ALK: variants seen among roughly 807,000 people sequenced by gnomAD.
ALK encodes ALK receptor tyrosine kinase.
A neutral mutation model predicts 163.1 loss-of-function variants in ALK; 74 were observed. The observed-to-expected ratio is 0.45, with a 90% CI of 0.38 to 0.55. ALK has a LOEUF of 0.55. ALK is among the 20% of genes least tolerant of loss of function. The probability of loss-of-function intolerance (pLI) is 0.00; values close to 1 mark genes in which losing one functional copy is unlikely to be tolerated. For synonymous variants in ALK, 960 were observed against 843.2 expected (o/e 1.14, Z -2.40); for missense variants, 2,063 against 2,105.3 (o/e 0.98, Z 0.39).
At chr2:29,534,422 A>C (rs1182090204) in intron 3 of ALK, among the ~76,000 whole-genome samples, 1 of 152,130 alleles carries the variant, frequency 6.6e-6, no homozygotes, top group African/African-American at 2.4e-5. Flanking sequence ...AGGACCCTGG[A>C]AGTATCTCTG....
chr2:29,891,678 T>TTAA (rs1667151173), intron 1 of ALK, among the ~76,000 whole-genome samples: 1 of 152,106 alleles, frequency 6.6e-6, no homozygotes, highest in African/African-American at 2.4e-5. Context: ...GAAACAAGTG[T>TTAA]TAATATTCAC....
At chr2:29,711,084 G>C (rs1245112088) in intron 2 of ALK, among the ~76,000 whole-genome samples, 1 of 152,154 alleles carries the variant, frequency 6.6e-6, no homozygotes, top group African/African-American at 2.4e-5. Flanking sequence ...AGGAAACCAA[G>C]TGGTGCTCAC....
chr2:29,675,044 G>A (rs551272361), intron 3 of ALK, among the ~76,000 whole-genome samples: 357 of 151,280 alleles, frequency 2.4e-3, no homozygotes, highest in Non-Finnish European at 4.0e-3. Context: ...TTTTTATTGC[G>A]TCTATTTGAT....
intron 4 of ALK, among the ~76,000 whole-genome samples, chr2:29,425,449 C>A (rs541820397): frequency 5.3e-5 from 8 of 152,186 alleles, no homozygotes; most frequent in Non-Finnish European, 1.0e-4. Context: ...GTTGGGGATC[C>A]CTTACTCTAT....
intron 1 of ALK, among the ~76,000 whole-genome samples, chr2:29,806,739 GCTGATT>G (rs1664626729): frequency 2.6e-5 from 4 of 152,156 alleles, no homozygotes; most frequent in African/African-American, 7.2e-5. Context: ...TGGGGAAATG[GCTGATT>G]CATCACAACT....
intron 4 of ALK, among the ~76,000 whole-genome samples, chr2:29,493,820 C>G (rs963530887): frequency 6.6e-6 from 1 of 152,196 alleles, no homozygotes; most frequent in African/African-American, 2.4e-5. Flanking sequence ...CCATGCGAAG[C>G]CCTTAGGACT....
At chr2:29,617,386 C>T (rs981238528) in intron 3 of ALK, among the ~76,000 whole-genome samples, 56 of 152,332 alleles carry the variant, frequency 3.7e-4, no homozygotes, top group African/African-American at 1.2e-3. Flanking sequence ...ATCAAATCCA[C>T]ATCTCCCATC....
At position 29,278,409 on chromosome 2, in the gene ALK, A is replaced by T. The variant is rs554454863; in HGVS notation, c.1818-2913T>A. On this transcript the variant is annotated intron_variant, in intron 9 of 28. Transcript: ENST00000389048. ...CTTAGAGGATAATTGTGATGGGAGT[A>T]GTAAGCAGGATGGGGACCAGGAGAG... Among the ~76,000 whole-genome samples the T allele has an allele frequency of 6.0e-4, 92 of 152,308 alleles. 1 individual carries two copies. The highest frequency in any genetic ancestry group is 2.0e-3 in the African/African-American group (84 of 41,556).
At chr2:29,373,876 G>A (rs1668691386) in intron 5 of ALK, among the ~76,000 whole-genome samples, 2 of 152,154 alleles carry the variant, frequency 1.3e-5, no homozygotes, top group South Asian at 4.2e-4. Context: ...CCTTTGTGTG[G>A]CACAAAGGAC....
At chr2:29,425,821 T>C (rs1670122236) in intron 4 of ALK, among the ~76,000 whole-genome samples, 1 of 152,182 alleles carries the variant, frequency 6.6e-6, no homozygotes, top group Non-Finnish European at 1.5e-5. Context: ...TTACAAACAA[T>C]TATGATTTTT....
intron 6 of ALK, among the ~76,000 whole-genome samples, chr2:29,327,925 G>A (rs1025432284): frequency 5.3e-5 from 8 of 152,122 alleles, no homozygotes; most frequent in African/African-American, 1.9e-4. Context: ...AGCCATGGAG[G>A]CATGAAGGAT....
intron 3 of ALK, among the ~76,000 whole-genome samples, chr2:29,580,234 A>G (rs1166987167): frequency 6.6e-6 from 1 of 152,198 alleles, no homozygotes; most frequent in Non-Finnish European, 1.5e-5. Context: ...TATCTCACCC[A>G]GCATGGATTG....
chr2:29,509,045 C>T (rs72794482), intron 4 of ALK, among the ~76,000 whole-genome samples: 11,233 of 152,060 alleles, frequency 0.074, 589 homozygotes, highest in Non-Finnish European at 0.11. Flanking sequence ...CATCTGTGGA[C>T]GGAGGGGAAC....
Position 29,211,676 on chromosome 2 carries a change from C to A in ALK, c.3744-1798G>T, listed in dbSNP as rs556091275. Among the ~76,000 whole-genome samples, 25 of 152,208 alleles carry A rather than the reference C, an allele frequency of 1.6e-4. No homozygotes were observed. In the South Asian group the frequency reaches 4.8e-3, roughly 29 times the overall value. ...AAAGGGTGGAGGGAGAGAGAGAATT[C>A]GAGGCAACTCTGTTGTGGGTATGTA... is the stretch of plus-strand genomic sequence containing the variant. On this transcript the variant is annotated intron_variant, in intron 24 of 28. Transcript: ENST00000389048.
At chr2:29,216,715 CTG>C (rs1042163005) in intron 23 of ALK, among the ~76,000 whole-genome samples, 12 of 146,962 alleles carry the variant, frequency 8.2e-5, no homozygotes, top group African/African-American at 3.0e-4. Context: ...TGGTGGATGT[CTG>C]TGGTGTGTAT....
intron 1 of ALK, among the ~76,000 whole-genome samples, chr2:29,806,656 A>G (rs1323940094): frequency 6.6e-6 from 1 of 152,164 alleles, no homozygotes; most frequent in African/African-American, 2.4e-5. Flanking sequence ...GGGGTTTGTC[A>G]AAATAGATTG....
intron 3 of ALK, among the ~76,000 whole-genome samples, chr2:29,614,140 G>C (rs1675774080): frequency 2.0e-5 from 3 of 152,110 alleles, no homozygotes; most frequent in Admixed American, 2.0e-4. Context: ...CCTAGACCAT[G>C]GCCCTGCTTC....
At chr2:29,411,766 C>T (rs184797489) in intron 4 of ALK, among the ~76,000 whole-genome samples, 2 of 152,356 alleles carry the variant, frequency 1.3e-5, no homozygotes, top group Admixed American at 1.3e-4. Context: ...TCCTCAGGAA[C>T]CACCTCTAGG....
At chr2:29,793,322 G>T (rs6419698) in intron 1 of ALK, among the ~76,000 whole-genome samples, 137,726 of 152,164 alleles carry the variant, frequency 0.91, 63,956 homozygotes, top group East Asian at 1. Flanking sequence ...TCCAATTGCT[G>T]CCTCCAACGA....
Sources: gnomAD v4.1 joint callset for allele counts (sites outside exome capture counted in the v4.1 genomes callset) on GRCh38, gnomAD v4.1.1 for gene constraint, MANE v1.5 for transcripts, NCBI Gene and HGNC (gene_info 2026-07-23, HGNC 2026-07-21) for gene names.